Variants in CSMD1 observed in about 807,000 individuals in gnomAD.
The protein encoded by CSMD1 is CUB and Sushi multiple domains 1, also known as CUB and sushi domain-containing protein 1.
A neutral mutation model predicts 417.5 loss-of-function variants in CSMD1; 213 were observed. The ratio of observed to expected loss-of-function variants is 0.51; its 90% confidence interval spans 0.46 to 0.57. The LOEUF (loss-of-function observed/expected upper bound fraction) is 0.57. Among genes scored for constraint, CSMD1 ranks in the 20% least tolerant of loss-of-function variants. The pLI is 0.00. For missense variants in CSMD1, 6,923 were observed against 4,529.7 expected (o/e 1.53, Z -15.17); for synonymous variants, 2,862 against 1,736.8 (o/e 1.65, Z -16.11).
intron 12 of CSMD1, among the ~76,000 whole-genome samples, chr8:3,417,284 C>T (rs189324171): frequency 6.6e-6 from 1 of 152,268 alleles, no homozygotes; most frequent in African/African-American, 2.4e-5. Flanking sequence ...TAATATTCTG[C>T]AGAAAACACT....
chr8:4,913,363 T>C (rs1398205256), intron 1 of CSMD1, among the ~76,000 whole-genome samples: 4 of 152,224 alleles, frequency 2.6e-5, no homozygotes, highest in African/African-American at 4.8e-5. Flanking sequence ...AAAATGTTTC[T>C]GGCGGGGGAC....
At chr8:3,565,337 G>A (rs1376940448) in intron 10 of CSMD1, among the ~76,000 whole-genome samples, 3 of 151,938 alleles carry the variant, frequency 2.0e-5, no homozygotes, top group African/African-American at 7.3e-5. Context: ...AGGGCAGTTG[G>A]TGGAGCCACT....
chr8:2,976,865 A>G (rs1804972025), intron 55 of CSMD1, among the ~76,000 whole-genome samples: 1 of 151,926 alleles, frequency 6.6e-6, no homozygotes. Flanking sequence ...ATTTGGGTAA[A>G]ATGATATATT....
At chr8:4,376,773 A>G (rs984772391) in intron 3 of CSMD1, among the ~76,000 whole-genome samples, 8 of 152,206 alleles carry the variant, frequency 5.3e-5, no homozygotes, top group African/African-American at 1.9e-4. Flanking sequence ...AGCCTGTTTG[A>G]TAACCAACTC....
chr8:4,328,786 T>A (rs892242441), intron 3 of CSMD1, among the ~76,000 whole-genome samples: 2 of 152,218 alleles, frequency 1.3e-5, no homozygotes, highest in African/African-American at 4.8e-5. Context: ...TGACAAAGTA[T>A]TCTCTTTGAA....
chr8:4,994,719 T>G lies in CSMD1; in HGVS notation c.-303A>C. ...CAGGAAGGCACCAAGGCGGCGAGGCTGCGGGAGGGGGAGAAGCGGGGAGAG... is the reference window on the plus strand; with the variant it reads ...CAGGAAGGCACCAAGGCGGCGAGGCGGCGGGAGGGGGAGAAGCGGGGAGAG... On this transcript the variant is annotated 5_prime_UTR_variant, in exon 1 of 70. Transcript: ENST00000635120. 1 of 319,110 alleles carries G rather than the reference T, an allele frequency of 3.1e-6. No homozygotes were observed. Among genetic ancestry groups the G allele is most frequent in the Non-Finnish European group, 5.7e-6 (1 of 175,418 alleles). The allele number at this position is 319,110 out of a possible 1,614,324, so 19.8% of individuals were successfully genotyped here.
intron 3 of CSMD1, among the ~76,000 whole-genome samples, chr8:4,406,345 G>GA (rs1199608965): frequency 6.6e-6 from 1 of 152,032 alleles, no homozygotes; most frequent in East Asian, 1.9e-4. Context: ...CAAAATGACA[G>GA]AATTTAGGGA....
At chr8:4,988,306 A>C (rs1324849852) in intron 1 of CSMD1, among the ~76,000 whole-genome samples, 2 of 152,256 alleles carry the variant, frequency 1.3e-5, no homozygotes, top group Non-Finnish European at 2.9e-5. Flanking sequence ...AAAGTATCCA[A>C]GGATATTTGG....
chr8:4,174,392 C>T (rs1797926844), intron 3 of CSMD1, among the ~76,000 whole-genome samples: 1 of 151,984 alleles, frequency 6.6e-6, no homozygotes, highest in South Asian at 2.1e-4. Flanking sequence ...GGCCTAATTC[C>T]TTTAAATTAA....
chr8:4,323,823 A>C (rs1442222154), intron 3 of CSMD1, among the ~76,000 whole-genome samples: 1 of 152,106 alleles, frequency 6.6e-6, no homozygotes, highest in African/African-American at 2.4e-5. Flanking sequence ...AGCTCCTAAT[A>C]ACCTCCTCCA....
Position 4,706,916 on chromosome 8 carries a change from C to G in CSMD1, c.86-69358G>C, listed in dbSNP as rs564043688. Among the ~76,000 whole-genome samples the G allele has an allele frequency of 1.3e-5, 2 of 152,314 alleles. 1 individual carries two copies. The highest frequency in any genetic ancestry group is 3.9e-4 in the East Asian group (2 of 5,168). On this transcript the variant is annotated intron_variant, in intron 1 of 69. Coordinates refer to ENST00000635120, the MANE Select transcript of CSMD1 (RefSeq NM_033225.6). ...AAGGCAAGGCGAAAAGCTTCTGATTCATGAAACTATGAGTAATTTGCTCAT... is the reference window on the plus strand; with the variant it reads ...AAGGCAAGGCGAAAAGCTTCTGATTGATGAAACTATGAGTAATTTGCTCAT...
At chr8:3,185,767 C>T (rs986758204) in intron 36 of CSMD1, among the ~76,000 whole-genome samples, 2 of 152,160 alleles carry the variant, frequency 1.3e-5, no homozygotes, top group African/African-American at 4.8e-5. Context: ...AATTCATAAA[C>T]TGTGAGGTAG....
At chr8:3,930,682 G>T (rs965585892) in intron 5 of CSMD1, among the ~76,000 whole-genome samples, 1 of 150,274 alleles carries the variant, frequency 6.7e-6, no homozygotes, top group Non-Finnish European at 1.5e-5. Flanking sequence ...AAAACTGCTG[G>T]CAAGTGTACC....
chr8:4,405,309 C>G (rs1804931707), intron 3 of CSMD1, among the ~76,000 whole-genome samples: 2 of 151,894 alleles, frequency 1.3e-5, no homozygotes, highest in South Asian at 2.1e-4. Flanking sequence ...ATAACTTCCA[C>G]TTAGTTTTTT....
intron 3 of CSMD1, among the ~76,000 whole-genome samples, chr8:4,236,970 G>C (rs568731574): frequency 6.6e-6 from 1 of 152,296 alleles, no homozygotes; most frequent in South Asian, 2.1e-4. Context: ...CAGTTACACT[G>C]AGGACCAACT....
At chr8:3,978,945 A>G (rs1813646199) in intron 5 of CSMD1, among the ~76,000 whole-genome samples, 1 of 152,236 alleles carries the variant, frequency 6.6e-6, no homozygotes, top group Non-Finnish European at 1.5e-5. Flanking sequence ...TGCCAGCCAC[A>G]GGTTCCACTG....
intron 3 of CSMD1, among the ~76,000 whole-genome samples, chr8:4,104,560 T>C (rs1585321323): frequency 1.3e-5 from 2 of 152,094 alleles, no homozygotes; most frequent in Admixed American, 6.5e-5. Flanking sequence ...GCCACTTTTC[T>C]GTTAAACTGT....
At chr8:3,629,130 C>T (rs1269325535) in intron 7 of CSMD1, among the ~76,000 whole-genome samples, 1 of 151,996 alleles carries the variant, frequency 6.6e-6, no homozygotes, top group Non-Finnish European at 1.5e-5. Context: ...TCAGGCATGA[C>T]GTGAGCAAAG....
chr8:3,545,756 C>T (rs986666922), intron 10 of CSMD1, among the ~76,000 whole-genome samples: 2 of 152,152 alleles, frequency 1.3e-5, no homozygotes, highest in African/African-American at 4.8e-5. Flanking sequence ...CTACTGGAAT[C>T]TCAAATACAG....
Sources: allele counts gnomAD v4.1 joint callset (sites outside exome capture counted in the v4.1 genomes callset), GRCh38; gene constraint gnomAD v4.1.1; transcripts MANE v1.5; gene names NCBI Gene and HGNC (gene_info 2026-07-23, HGNC 2026-07-21).